The following CDHR3 variants were observed in gnomAD, a reference collection of about 807,000 sequenced individuals.
CDHR3 encodes cadherin related family member 3.
In CDHR3, 79 loss-of-function variants were observed where a neutral mutation model predicts 86.6. The ratio of observed to expected loss-of-function variants is 0.91; its 90% CI spans 0.76 to 1.10. CDHR3 has a LOEUF of 1.10. CDHR3 is among the 50% of genes least tolerant of loss of function. The pLI is 0.00. For synonymous variants in CDHR3, 421 were observed against 402.4 expected, an observed-to-expected ratio of 1.05 and a Z score of -0.55; for missense variants, 1,081 against 1,077.6, an observed-to-expected ratio of 1.00 and a Z score of -0.04.
chr7:106,022,479 C>A (rs1189689745), intron 14 of CDHR3, 31 bp downstream of exon 14: 1 of 1,604,584 alleles, frequency 6.2e-7, no homozygotes, highest in Non-Finnish European at 8.5e-7. Flanking sequence ...AATCCCCAGG[C>A]ACATTCCCTT....
chr7:106,022,042 G>A (rs754669203), intron 13 of CDHR3, among the ~76,000 whole-genome samples, 156 bp from the exon 14 acceptor site: 7 of 152,194 alleles, frequency 4.6e-5, no homozygotes, highest in Non-Finnish European at 1.0e-4. Flanking sequence ...AAAGCCTGTA[G>A]CATATAACTA....
In CDHR3 at chr7:105,986,804, G is replaced by A. The variant is rs138588966; in HGVS notation, c.513+2515G>A. Among the ~76,000 whole-genome samples, 689 of 152,248 alleles carry A rather than the reference G, an allele frequency of 4.5e-3. 4 individuals carry two copies. The highest frequency in any genetic ancestry group is 0.031 in the Middle Eastern group (9 of 294). ...CTACTTTTAGGGGTGGTAGGTCAGA[G>A]AATTCCTTTATGATCATGCTTCAGG... is the stretch of plus-strand genomic sequence containing the variant. On this transcript the variant is annotated intron_variant, in intron 4 of 18. Coordinates refer to ENST00000317716, the MANE Select transcript of CDHR3 (RefSeq NM_152750.5).
chr7:106,010,124 A>C (rs1834570637), intron 8 of CDHR3, among the ~76,000 whole-genome samples: 1 of 152,184 alleles, frequency 6.6e-6, no homozygotes, highest in South Asian at 2.1e-4. Context: ...GATTCTTTAA[A>C]TGATGCAATC....
intron 2 of CDHR3, 41 bp from the exon 3 acceptor site, chr7:105,980,924 ATCT>A (rs1300144397): frequency 6.5e-7 from 1 of 1,548,688 alleles, no homozygotes; most frequent in Admixed American, 1.9e-5. Context: ...TGCAAAACAG[ATCT>A]TCTTTCACAT....
chr7:106,015,722 T>C (rs2115854662), intron 10 of CDHR3: 1 of 595,498 alleles, frequency 1.7e-6, no homozygotes. Flanking sequence ...CTGTTCCTAC[T>C]CTGGGTTCTG....
chr7:106,029,943 A>AGTGG (rs1838078496), intron 17 of CDHR3, among the ~76,000 whole-genome samples: 1 of 152,218 alleles, frequency 6.6e-6, no homozygotes, highest in Non-Finnish European at 1.5e-5. Context: ...GACCACAAAC[A>AGTGG]GTGGGGCTGC....
At chr7:106,013,839 C>A (rs1435016399) in intron 9 of CDHR3, among the ~76,000 whole-genome samples, 5 of 152,168 alleles carry the variant, frequency 3.3e-5, no homozygotes, top group African/African-American at 1.2e-4. Flanking sequence ...ATATAGAAAG[C>A]ACAGAAAAGC....
Position 105,996,414 on chromosome 7 carries a change from C to T in CDHR3, c.713+60C>T, listed in dbSNP as rs571961979. ...CAGGTGCGTCCTTCTTAGGCGGCCT[C>T]GTCTCCTCCGGCACATTTAATACAA... On this transcript the variant is annotated intron_variant, in intron 6 of 18. Coordinates refer to ENST00000317716, the MANE Select transcript of CDHR3 (RefSeq NM_152750.5). 4.9e-5 allele frequency: 44 copies of T among 905,122 alleles called. 1 individual carries two copies. The highest frequency in any genetic ancestry group is 2.3e-4 in the South Asian group (16 of 68,406). The allele number at this position is 905,122 out of a possible 1,614,324, so 56.1% of individuals were successfully genotyped here.
At chr7:105,970,837 A>C (rs1377587977) in intron 1 of CDHR3, among the ~76,000 whole-genome samples, 1 of 152,130 alleles carries the variant, frequency 6.6e-6, no homozygotes, top group African/African-American at 2.4e-5. Context: ...CCGGATTTTG[A>C]ATTAAGGTCA....
intron 12 of CDHR3, 23 bp from the exon 13 acceptor site, chr7:106,020,346 AGAAT>A (rs1836372513): frequency 6.4e-7 from 1 of 1,566,000 alleles, no homozygotes; most frequent in Non-Finnish European, 8.7e-7. Flanking sequence ...TTAGCTATTG[AGAAT>A]GACCACCTTC....
rs548933637 is a variant in CDHR3 at position 105,997,241 on chromosome 7, C to A, written c.713+887C>A. Among the ~76,000 whole-genome samples the A allele has an allele frequency of 2.6e-5, 4 of 152,306 alleles. No individual in the cohort carries two copies. In the South Asian group the frequency reaches 8.3e-4, roughly 32 times the overall value. On this transcript the variant is annotated intron_variant, in intron 6 of 18. Coordinates refer to ENST00000317716, the MANE Select transcript of CDHR3 (RefSeq NM_152750.5). ...CAAGATTGCGAGGTATTTAAGGCAA[C>A]CTCACTCCCAGACTAACCTGGTGCC... is the stretch of plus-strand genomic sequence containing the variant.
intron 3 of CDHR3, among the ~76,000 whole-genome samples, chr7:105,983,053 A>G (rs753461645): frequency 1.3e-5 from 2 of 151,258 alleles, no homozygotes; most frequent in Non-Finnish European, 2.9e-5. Context: ...TTCCATAGCC[A>G]CTTTATTAAA....
intron 4 of CDHR3, among the ~76,000 whole-genome samples, chr7:105,993,821 C>T (rs1185141988): frequency 8.5e-5 from 13 of 152,142 alleles, no homozygotes; most frequent in South Asian, 2.1e-4. Flanking sequence ...ATGGGTGGCA[C>T]GGGCATGGTC....
intron 1 of CDHR3, among the ~76,000 whole-genome samples, chr7:105,966,778 TC>T (rs1827002541): frequency 1.3e-5 from 2 of 152,086 alleles, no homozygotes; most frequent in Admixed American, 1.3e-4. Flanking sequence ...CTGGAATCCA[TC>T]CACTTTCGCC....
rs1227260770 is a variant in CDHR3 at position 105,974,907 on chromosome 7, C to T, written c.110C>T (p.Pro37Leu). 1 of 1,613,902 alleles carries T rather than the reference C, an allele frequency of 6.2e-7. No homozygotes were observed. Among genetic ancestry groups the T allele is most frequent in the Non-Finnish European group, 8.5e-7 (1 of 1,179,808 alleles). ...GGCAATGTGGCAGAGAATTCTCCACCTGGGACTTCAGTGCACAAGTTTTCT... is the reference window on the plus strand; with the variant it reads ...GGCAATGTGGCAGAGAATTCTCCACTTGGGACTTCAGTGCACAAGTTTTCT... The part of the protein sequence containing the change: ...ATGNVAENSP[P>L]GTSVHKFSVK... The change falls in exon 2 of 19, where the codon CCT becomes CTT. Residue 37 changes from proline (P) to leucine (L), a missense_variant. Transcript: ENST00000317716.
At position 106,035,932 on chromosome 7, in the gene CDHR3, C is replaced by T. The variant is rs1293512370; in HGVS notation, c.*3235C>T. ...CAAAATTATCTGAATAAAATGAAGA[C>T]AGCAACCGTCGTGGATTTGGTGAAA... On this transcript the variant is annotated 3_prime_UTR_variant, in exon 19 of 19. Coordinates refer to ENST00000317716, the MANE Select transcript of CDHR3 (RefSeq NM_152750.5). The T allele has an allele frequency of 6.6e-6, 1 of 152,238 alleles. No individual in the cohort carries two copies. Among genetic ancestry groups the T allele is most frequent in the Non-Finnish European group, 1.5e-5 (1 of 68,048 alleles). The allele number at this position is 152,238 out of a possible 1,614,324, so 9.4% of individuals were successfully genotyped here.
chr7:105,967,988 T>C (rs1452496710), intron 1 of CDHR3, among the ~76,000 whole-genome samples: 2 of 152,226 alleles, frequency 1.3e-5, no homozygotes, highest in Admixed American at 6.5e-5. Context: ...TTTTGCCTTA[T>C]GTTGCCATTG....
At chr7:106,004,409 T>C in intron 7 of CDHR3, 89 bp from the exon 8 acceptor site, 1 of 1,010,148 alleles carries the variant, frequency 9.9e-7, no homozygotes, top group Non-Finnish European at 1.5e-6. Flanking sequence ...CTTCCTCATG[T>C]TCGAATGGTC....
chr7:106,026,699 T>G lies in CDHR3; in HGVS notation c.2272+4T>G, dbSNP rs373362899. ...CCCCATAGGACAAAGAAAGGAGGTATGTACAGTACCTGTTTCCCTTGTCTG... is the reference window on the plus strand; with the variant it reads ...CCCCATAGGACAAAGAAAGGAGGTAGGTACAGTACCTGTTTCCCTTGTCTG... On this transcript the variant is annotated splice_donor_region_variant and intron_variant, in intron 16 of 18. Coordinates refer to ENST00000317716, the MANE Select transcript of CDHR3 (RefSeq NM_152750.5). 238 of 1,613,780 alleles carry G rather than the reference T, an allele frequency of 1.5e-4. 1 individual carries two copies. The African/African-American group carries it at 2.7e-3, about 18-fold the overall frequency.
Sources: gnomAD v4.1 joint callset for allele counts (sites outside exome capture counted in the v4.1 genomes callset) on GRCh38, gnomAD v4.1.1 for gene constraint, MANE v1.5 for transcripts, NCBI Gene and HGNC (gene_info 2026-07-23, HGNC 2026-07-21) for gene names.